The following TMEM74 variants were observed in gnomAD, a reference collection of about 807,000 sequenced individuals.
TMEM74 encodes the protein transmembrane protein 74.
Under a neutral mutation model 18.1 loss-of-function variants are expected in TMEM74, and 13 were observed. The observed-to-expected ratio is 0.72, with a 90% confidence interval of 0.47 to 1.14. The LOEUF is 1.14. Among genes scored for constraint, TMEM74 ranks in the 50% most tolerant of loss-of-function variants. The probability of loss-of-function intolerance (pLI) is 0.00; values close to 1 mark genes in which losing one functional copy is unlikely to be tolerated. For synonymous variants in TMEM74, 159 were observed against 146.6 expected, an observed-to-expected ratio of 1.08 and a Z score of -0.61; for missense variants, 372 against 375.9, an observed-to-expected ratio of 0.99 and a Z score of 0.09.
chr8:108,749,196 A>G (rs1270001140), intron 1 of TMEM74, among the ~76,000 whole-genome samples: 1 of 151,862 alleles, frequency 6.6e-6, no homozygotes, highest in Non-Finnish European at 1.5e-5. Flanking sequence ...AAGAATGTCA[A>G]TGGTATTTTA....
intron 1 of TMEM74, among the ~76,000 whole-genome samples, chr8:108,682,701 T>G (rs1813127796): frequency 6.6e-6 from 1 of 152,006 alleles, no homozygotes; most frequent in Non-Finnish European, 1.5e-5. Flanking sequence ...TACCTTATTT[T>G]CCTTAATTTT....
At chr8:108,607,243 A>T (rs192567758) in exon 4 of TMEM74, 1 of 152,220 alleles carries the variant, frequency 6.6e-6, no homozygotes, top group African/African-American at 2.4e-5. Context: ...ACATGACAGG[A>T]GAGCATGCAG....
intron 1 of TMEM74, among the ~76,000 whole-genome samples, chr8:108,786,636 C>T (rs62509435): frequency 0.077 from 11,652 of 152,160 alleles, 646 homozygotes; most frequent in African/African-American, 0.15. Flanking sequence ...AACAACAGGG[C>T]AAAAGAATCA....
At chr8:108,665,301 C>T (rs1812939126) in intron 1 of TMEM74, among the ~76,000 whole-genome samples, 1 of 151,964 alleles carries the variant, frequency 6.6e-6, no homozygotes, top group South Asian at 2.1e-4. Context: ...AAGAAGTTGT[C>T]TAATGAGGGA....
rs148786473 is a variant in TMEM74 at position 108,644,055 on chromosome 8, G to C, written n.264+11238C>G. ...GCCTAAGTAGACAAAGCAATCTCAA[G>C]CAAAAAGAACAAAGCTGAAGGCATC... is the stretch of plus-strand genomic sequence containing the variant. On this transcript the variant is annotated intron_variant and non_coding_transcript_variant, in intron 2 of 3. Transcript: ENST00000518838. 9.3e-3 allele frequency among the ~76,000 whole-genome samples: 1,412 copies of C among 152,182 alleles called. 8 individuals are homozygous for C. The highest frequency in any genetic ancestry group is 0.015 in the Non-Finnish European group (1,005 of 68,012).
intron 1 of TMEM74, among the ~76,000 whole-genome samples, chr8:108,716,596 A>G (rs570324659): frequency 6.6e-6 from 1 of 152,190 alleles, no homozygotes; most frequent in Non-Finnish European, 1.5e-5. Flanking sequence ...TTTCATTATT[A>G]AACAAAACAG....
chr8:108,719,085 A>G, intron 1 of TMEM74, among the ~76,000 whole-genome samples: 1 of 151,968 alleles, frequency 6.6e-6, no homozygotes, highest in East Asian at 1.9e-4. Context: ...GCATATTTTG[A>G]GAGTAAACTC....
At chr8:108,652,633 GA>G (rs1260814229) in intron 2 of TMEM74, 2 of 628,910 alleles carry the variant, frequency 3.2e-6, no homozygotes, top group African/African-American at 1.8e-5. Flanking sequence ...GAAGGCAAAA[GA>G]AAGCAAGAAA....
intron 2 of TMEM74, among the ~76,000 whole-genome samples, chr8:108,613,767 AT>A (rs773616688): frequency 6.6e-6 from 1 of 152,202 alleles, no homozygotes; most frequent in Non-Finnish European, 1.5e-5. Flanking sequence ...GGCTAGACAC[AT>A]TCCCCAGGGC....
At position 108,721,018 on chromosome 8, in the gene TMEM74, C is replaced by T. The variant is rs1172040182; in HGVS notation, n.120-65581G>A. ...TCCTGATTTCAAATGATCCGCCCGC[C>T]TCGACCTCCCAAAGTGCTGGGATTA... On this transcript the variant is annotated intron_variant and non_coding_transcript_variant, in intron 1 of 3. Coordinates refer to the TMEM74 transcript ENST00000518838. Among the ~76,000 whole-genome samples, 6 of 152,316 alleles carry T rather than the reference C, an allele frequency of 3.9e-5. No individual in the cohort carries two copies. In the East Asian group the frequency reaches 1.2e-3, roughly 29 times the overall value.
chr8:108,690,625 A>C (rs112503741), intron 1 of TMEM74, among the ~76,000 whole-genome samples: 4,461 of 151,994 alleles, frequency 0.029, 121 homozygotes, highest in African/African-American at 0.066. Context: ...ACTATCCTGG[A>C]TAACACGCTG....
chr8:108,748,784 A>T (rs1314081960), intron 1 of TMEM74, among the ~76,000 whole-genome samples: 1 of 151,930 alleles, frequency 6.6e-6, no homozygotes, highest in Non-Finnish European at 1.5e-5. Flanking sequence ...TGGTATAAGA[A>T]AGGGTTCCAG....
intron 2 of TMEM74, among the ~76,000 whole-genome samples, chr8:108,621,667 T>C (rs1041688136): frequency 6.6e-6 from 1 of 152,138 alleles, no homozygotes; most frequent in African/African-American, 2.4e-5. Context: ...ACATCTCTGC[T>C]GAGGTGTAGC....
intron 1 of TMEM74, among the ~76,000 whole-genome samples, chr8:108,696,064 C>T (rs1392039812): frequency 6.6e-6 from 1 of 152,102 alleles, no homozygotes; most frequent in Non-Finnish European, 1.5e-5. Context: ...CACAAATTTC[C>T]ATCAAAAAGT....
At chr8:108,717,942 GTTTTTTTTTTTTTTTTTTTT>G (rs869263977) in intron 1 of TMEM74, among the ~76,000 whole-genome samples, 2 of 45,920 alleles carry the variant, frequency 4.4e-5, no homozygotes. Flanking sequence ...TCTGACTTAG[GTTTTTTTTTTTTTTTTTTTT>G]TTTTTTTTTT....
rs1051504400 is a variant in TMEM74, at chr8:108,779,517, A to G, written c.*4664T>C. Among the ~76,000 whole-genome samples the G allele has an allele frequency of 9.9e-5, 15 of 152,172 alleles. No homozygotes were observed. The highest frequency in any genetic ancestry group is 2.2e-4 in the Non-Finnish European group (15 of 68,020). On this transcript the variant is annotated 3_prime_UTR_variant, in exon 2 of 2. Coordinates refer to ENST00000297459, the MANE Select transcript of TMEM74 (RefSeq NM_153015.3). ...TATCTCACACTCTCATGAGCCTGAAATTGAGAGGTTAAAAAACAAATTAAT... is the reference window on the plus strand; with the variant it reads ...TATCTCACACTCTCATGAGCCTGAAGTTGAGAGGTTAAAAAACAAATTAAT...
chr8:108,731,726 T>A (rs1813697202), intron 1 of TMEM74, among the ~76,000 whole-genome samples: 1 of 152,148 alleles, frequency 6.6e-6, no homozygotes, highest in African/African-American at 2.4e-5. Flanking sequence ...CAGTTTTGTC[T>A]GATATTTAAA....
chr8:108,736,816 G>C (rs1813754012), intron 1 of TMEM74, among the ~76,000 whole-genome samples: 1 of 152,062 alleles, frequency 6.6e-6, no homozygotes, highest in South Asian at 2.1e-4. Context: ...TGTATGAGTA[G>C]AATCTTGGGT....
intron 1 of TMEM74, among the ~76,000 whole-genome samples, chr8:108,763,198 T>C (rs1814065122): frequency 1.3e-5 from 2 of 151,982 alleles, no homozygotes; most frequent in African/African-American, 4.8e-5. Context: ...ACCAACCCTT[T>C]TCCCCATTGT....
Sources: allele counts gnomAD v4.1 joint callset (sites outside exome capture counted in the v4.1 genomes callset), GRCh38; gene constraint gnomAD v4.1.1; transcripts MANE v1.5; gene names NCBI Gene and HGNC (gene_info 2026-07-23, HGNC 2026-07-21).